RGPD8: variants seen among roughly 807,000 people sequenced by gnomAD.
RGPD8 encodes the protein RANBP2 like and GRIP domain containing 8, also known as RANBP2-like and GRIP domain-containing protein 8.
A neutral mutation model predicts 89.1 loss-of-function variants in RGPD8; 15 were observed. The ratio of observed to expected loss-of-function variants is 0.17; its 90% confidence interval spans 0.11 to 0.26. The LOEUF (loss-of-function observed/expected upper bound fraction) is 0.26. RGPD8 is among the 10% of genes least tolerant of loss of function. The pLI is 1.00. For synonymous variants in RGPD8, 62 were observed against 420.9 expected, an observed-to-expected ratio of 0.15 and a Z score of 10.44; for missense variants, 178 against 1,179.6, an observed-to-expected ratio of 0.15 and a Z score of 12.44.
chr2:112,373,418 G>C (rs1204754742), intron 22 of RGPD8, among the ~76,000 whole-genome samples: 1 of 152,302 alleles, frequency 6.6e-6, no homozygotes, highest in Admixed American at 6.5e-5. Context: ...CTGCTTTTCA[G>C]AGTTGGGTAA....
intron 1 of RGPD8, among the ~76,000 whole-genome samples, chr2:112,432,990 G>A (rs1680118642): frequency 9.9e-6 from 1 of 101,232 alleles, no homozygotes; most frequent in Admixed American, 9.8e-5. Context: ...TCAACAGAGC[G>A]CGCCAGGGAG....
chr2:112,410,913 T>G (rs1244705596), intron 7 of RGPD8, among the ~76,000 whole-genome samples: 5 of 152,260 alleles, frequency 3.3e-5, no homozygotes, highest in African/African-American at 1.2e-4. Flanking sequence ...TGGAGAAACC[T>G]CGTCTCTACT....
intron 9 of RGPD8, among the ~76,000 whole-genome samples, chr2:112,402,638 A>G (rs1678913736): frequency 7.8e-6 from 1 of 129,000 alleles, no homozygotes; most frequent in African/African-American, 3.0e-5. Flanking sequence ...TTCTGTTTTT[A>G]GGTATCTCTA....
At position 112,426,301 on chromosome 2, in the gene RGPD8, G is replaced by C. The variant is rs577697730; in HGVS notation, c.73-1994C>G. Among the ~76,000 whole-genome samples the C allele has an allele frequency of 5.7e-3, 864 of 152,278 alleles. 6 individuals carry two copies. The highest frequency in any genetic ancestry group is 0.01 in the Middle Eastern group (3 of 294). On this transcript the variant is annotated intron_variant, in intron 1 of 22. Transcript: ENST00000302558. ...ACTGATCTGATAACTGAGGTGGCTA[G>C]TATGTAACTAGCGGGTGGGGAGCAC...
intron 1 of RGPD8, among the ~76,000 whole-genome samples, chr2:112,426,201 C>T (rs1307673954): frequency 7.9e-5 from 12 of 152,288 alleles, no homozygotes; most frequent in African/African-American, 2.6e-4. Context: ...CTGCCAGCAT[C>T]GCTATTCTTG....
chr2:112,373,494 C>A (rs1255022596), intron 22 of RGPD8, among the ~76,000 whole-genome samples: 262 of 150,114 alleles, frequency 1.7e-3, no homozygotes, highest in African/African-American at 6.4e-3. Flanking sequence ...GAAAACTATT[C>A]CTCATTAACT....
At chr2:112,432,971 G>A (rs1485522877) in intron 1 of RGPD8, among the ~76,000 whole-genome samples, 1 of 125,324 alleles carries the variant, frequency 8.0e-6, no homozygotes, top group African/African-American at 2.7e-5. Context: ...CCGGGTCGAG[G>A]CCGCCGCCTC....
intron 6 of RGPD8, among the ~76,000 whole-genome samples, chr2:112,414,005 CTGAGT>C (rs1267310115): frequency 7.6e-6 from 1 of 131,312 alleles, no homozygotes; most frequent in Non-Finnish European, 1.6e-5. Context: ...CCCCGCTGAG[CTGAGT>C]TTTCTAGAGG....
At chr2:112,410,474 C>T (rs1410828325) in intron 7 of RGPD8, among the ~76,000 whole-genome samples, 3 of 151,804 alleles carry the variant, frequency 2.0e-5, no homozygotes, top group African/African-American at 2.4e-5. Context: ...TGTCTATCAA[C>T]GGTGTTTTTA....
At chr2:112,390,849 A>T (rs1678672976) in intron 19 of RGPD8, 126 bp downstream of exon 19, 5 of 888,062 alleles carry the variant, frequency 5.6e-6, no homozygotes, top group Non-Finnish European at 8.0e-6. Context: ...AGATAAATTT[A>T]AAATATCTAC....
At chr2:112,423,955 T>C (rs1452777958) in intron 2 of RGPD8, among the ~76,000 whole-genome samples, 2 of 152,218 alleles carry the variant, frequency 1.3e-5, no homozygotes, top group African/African-American at 4.8e-5. Flanking sequence ...GATATAGGCA[T>C]GGTCCTCTTT....
intron 1 of RGPD8, among the ~76,000 whole-genome samples, chr2:112,429,370 C>T (rs1406594182): frequency 1.7e-4 from 22 of 127,992 alleles, no homozygotes; most frequent in South Asian, 5.6e-4. Context: ...GAGCCGAGAT[C>T]GCGACACTGC....
At chr2:112,387,189 C>G (rs529550351) in intron 20 of RGPD8, 6 of 35,554 alleles carry the variant, frequency 1.7e-4, no homozygotes, top group South Asian at 3.1e-3. Context: ...AATGAATATG[C>G]TTTTAAAACA....
At position 112,432,616 on chromosome 2, in the gene RGPD8, G is replaced by A. The variant is rs1202573611; in HGVS notation, c.72+766C>T. 6 of 985,080 alleles carry A rather than the reference G, an allele frequency of 6.1e-6. No homozygotes were observed. The African/African-American group carries it at 7.0e-5, about 11-fold the overall frequency. The allele number at this position is 985,080 out of a possible 1,614,324, so 61.0% of individuals were successfully genotyped here. On this transcript the variant is annotated intron_variant, in intron 1 of 22. Coordinates refer to ENST00000302558, the MANE Select transcript of RGPD8 (RefSeq NM_001164463.1). ...TCCAGGCCAAGGAGGTACGACCTCC[G>A]CCGCGGCATATAAAGTAAATGTCCA...
At chr2:112,370,249 A>G (rs765759212) in intron 22 of RGPD8, 37 bp from the exon 23 acceptor site, 2 of 1,330,470 alleles carry the variant, frequency 1.5e-6, no homozygotes, top group East Asian at 2.4e-5. Flanking sequence ...AAAAGAAAAA[A>G]GAGAGTATTA....
intron 6 of RGPD8, among the ~76,000 whole-genome samples, chr2:112,416,088 CAA>C (rs1168507298): frequency 0.12 from 10,479 of 87,918 alleles, 4 homozygotes; most frequent in East Asian, 0.18. Context: ...GACTCCATCT[CAA>C]AAAAAAAAAA....
chr2:112,433,408 G>T lies in RGPD8; in HGVS notation c.46C>A (p.Leu16Met). 1 of 1,610,640 alleles carries T rather than the reference G, an allele frequency of 6.2e-7. No homozygotes were observed. The highest frequency in any genetic ancestry group is 1.1e-5 in the South Asian group (1 of 90,956). The change falls in exon 1 of 23, where the codon CTG becomes ATG. Residue 16 changes from leucine to methionine, a missense_variant. Physicochemically the swap from Leu to Met is conservative, Grantham distance 15 (BLOSUM62 2). Coordinates refer to ENST00000302558, the MANE Select transcript of RGPD8 (RefSeq NM_001164463.1). ...ADVERYVASV[L>M]GLTPSPRQKS... Reference sequence around the variant, plus strand: ...TGTCGAGGCGACGGGGTGAGACCCAGCACCGAGGCGACGTACCGCTCCACA... The same window carrying T: ...TGTCGAGGCGACGGGGTGAGACCCATCACCGAGGCGACGTACCGCTCCACA...
At chr2:112,426,882 G>T (rs1221641831) in intron 1 of RGPD8, among the ~76,000 whole-genome samples, 17 of 148,584 alleles carry the variant, frequency 1.1e-4, no homozygotes, top group African/African-American at 3.2e-4. Context: ...CTGGAGTGCG[G>T]TGGCTCGATC....
At chr2:112,408,861 G>A (rs1406416642) in intron 7 of RGPD8, among the ~76,000 whole-genome samples, 2 of 151,894 alleles carry the variant, frequency 1.3e-5, no homozygotes, top group African/African-American at 2.4e-5. Flanking sequence ...TAGTAGAGAT[G>A]GGGTTTGACC....
Sources: allele counts gnomAD v4.1 joint callset (sites outside exome capture counted in the v4.1 genomes callset), GRCh38; gene constraint gnomAD v4.1.1; transcripts MANE v1.5; gene names NCBI Gene and HGNC (gene_info 2026-07-23, HGNC 2026-07-21).